Variants in CFAP97 observed in about 807,000 individuals in gnomAD.
The protein encoded by CFAP97 is cilia and flagella associated protein 97.
Under a neutral mutation model 43.1 loss-of-function variants are expected in CFAP97, and 36 were observed. The observed-to-expected ratio is 0.84, with a 90% confidence interval of 0.64 to 1.10. The LOEUF (loss-of-function observed/expected upper bound fraction) is 1.10. Ranked by LOEUF, CFAP97 falls within the 50% of genes least tolerant of loss-of-function variation. The probability of loss-of-function intolerance (pLI) is 0.00; values close to 1 mark genes in which losing one functional copy is unlikely to be tolerated. For synonymous variants in CFAP97, 228 were observed against 225.7 expected, an observed-to-expected ratio of 1.01 and a Z score of -0.09; for missense variants, 657 against 620.3, an observed-to-expected ratio of 1.06 and a Z score of -0.63.
rs1013248410 is a variant in CFAP97, at chr4:185,175,644, A to G, written c.1320+142T>C. Reference sequence around the variant, plus strand: ...GTATCCTCCGGACTTACAGCACATCATATGTTTCATACCACACATACCGCA... The same window carrying G: ...GTATCCTCCGGACTTACAGCACATCGTATGTTTCATACCACACATACCGCA... On this transcript the variant is annotated intron_variant, in intron 3 of 4. Transcript: ENST00000458385. The G allele has an allele frequency of 3.0e-5, 21 of 711,858 alleles. No homozygotes were observed. In the African/African-American group the frequency reaches 3.0e-4, roughly 10 times the overall value. 44.1% of individuals were successfully genotyped at this position (711,858 alleles called of 1,614,324 possible). A position where few individuals can be genotyped will look rare whatever the true frequency, so the allele number is the denominator to read the frequency against.
chr4:185,201,765 A>AT (rs1736841459), intron 1 of CFAP97, among the ~76,000 whole-genome samples: 1 of 152,160 alleles, frequency 6.6e-6, no homozygotes, highest in African/African-American at 2.4e-5. Context: ...AGCAACCAAA[A>AT]TATCTCCAAG....
At chr4:185,188,197 A>G (rs1050995340) in intron 2 of CFAP97, among the ~76,000 whole-genome samples, 4 of 151,784 alleles carry the variant, frequency 2.6e-5, no homozygotes, top group Non-Finnish European at 5.9e-5. Context: ...CTCGGCCGCT[A>G]TTATTATTAT....
At chr4:185,201,599 T>G (rs1263543340) in intron 1 of CFAP97, among the ~76,000 whole-genome samples, 1 of 152,220 alleles carries the variant, frequency 6.6e-6, no homozygotes. Flanking sequence ...CATAAATTAT[T>G]TTTTAGATAA....
At chr4:185,181,668 A>G (rs1262201037) in intron 2 of CFAP97, among the ~76,000 whole-genome samples, 1 of 152,174 alleles carries the variant, frequency 6.6e-6, no homozygotes, top group Non-Finnish European at 1.5e-5. Context: ...AAGATCCTAA[A>G]ATCATCAAGC....
At position 185,190,966 on chromosome 4, in the gene CFAP97, T is replaced by C. The variant is rs750118733; in HGVS notation, c.231A>G (p.Pro77=). ...TAACATCATTCTCTACGGGGTGTTC[T>C]GGGGGAAATTTCACGTTTCTTTCAT... The part of the protein sequence containing the change: ...KGNERNVKFP[P]EHPVENDVTQ... Residue 77 remains proline (P), a synonymous_variant, in exon 2 of 5, where the codon CCA becomes CCG. Coordinates refer to ENST00000458385, the MANE Select transcript of CFAP97 (RefSeq NM_020827.3). 1 of 1,613,810 alleles carries C rather than the reference T, an allele frequency of 6.2e-7. No homozygotes were observed. Among genetic ancestry groups the C allele is most frequent in the East Asian group, 2.2e-5 (1 of 44,874 alleles).
chr4:185,175,538 A>C (rs537078156), intron 3 of CFAP97, among the ~76,000 whole-genome samples: 1 of 152,146 alleles, frequency 6.6e-6, no homozygotes, highest in African/African-American at 2.4e-5. Context: ...GGCCTCCCAG[A>C]GTGCTAGAAT....
At chr4:185,169,481 G>T in intron 3 of CFAP97, 1 of 541,126 alleles carries the variant, frequency 1.8e-6, no homozygotes, top group Non-Finnish European at 2.4e-6. Context: ...CAGCCTTGCA[G>T]AACTGTAAGT....
At chr4:185,208,458 G>C (rs145700244), upstream of CFAP97, among the ~76,000 whole-genome samples, 3 of 152,078 alleles carry the variant, frequency 2.0e-5, no homozygotes, top group Non-Finnish European at 2.9e-5. Flanking sequence ...GGCCGGGCGC[G>C]GTGGCTTACA....
intron 2 of CFAP97, among the ~76,000 whole-genome samples, chr4:185,181,163 C>T (rs1735763840): frequency 4.0e-5 from 6 of 151,230 alleles, no homozygotes; most frequent in Admixed American, 3.9e-4. Context: ...GTAATCCCAG[C>T]TACTGGGGAG....
At chr4:185,209,966 C>T (rs1401159385), upstream of CFAP97, 24 of 983,406 alleles carry the variant, frequency 2.4e-5, no homozygotes, top group Non-Finnish European at 2.7e-5. This position sits in a 1 kb window ranked among gnomAD's most constrained non-coding sequence, Gnocchi z 5.2. Flanking sequence ...GCAGCAGCGG[C>T]GGCGCCGGGG....
chr4:185,177,932 A>G (rs2111349929), intron 2 of CFAP97, among the ~76,000 whole-genome samples: 1 of 152,316 alleles, frequency 6.6e-6, no homozygotes, highest in East Asian at 1.9e-4. Context: ...TTGTAACTCT[A>G]CTTCCCTACA....
intron 3 of CFAP97, 85 bp from the exon 4 acceptor site, chr4:185,164,264 A>T (rs1734985052): frequency 2.3e-6 from 3 of 1,280,038 alleles, no homozygotes; most frequent in African/African-American, 3.3e-5. Flanking sequence ...CCTGACATTC[A>T]CTTTCTTTCT....
In CFAP97 at chr4:185,175,974, A is replaced by G. The variant is rs1273736161; in HGVS notation, c.1132T>C (p.Ser378Pro). The G allele has an allele frequency of 1.2e-6, 2 of 1,613,644 alleles. No individual in the cohort carries two copies. Among genetic ancestry groups the G allele is most frequent in the African/African-American group, 2.7e-5 (2 of 74,870 alleles). Residue 378 changes from serine (S) to proline (P), a missense_variant, in exon 3 of 5, where the codon TCT (serine) becomes CCT (proline). Coordinates refer to ENST00000458385, the MANE Select transcript of CFAP97 (RefSeq NM_020827.3). ...QPSVAPGKNY[S>P]FTREEVRQID... is the part of the protein sequence containing the mutation. ...TGTCTCACCTCTTCTCTTGTGAAAG[A>G]GTAGTTTTTCCCGGGTGCTACTGAA...
chr4:185,183,811 A>G (rs953264184), intron 2 of CFAP97, among the ~76,000 whole-genome samples: 3 of 152,190 alleles, frequency 2.0e-5, no homozygotes, highest in Non-Finnish European at 4.4e-5. Flanking sequence ...AAAAGCCCTG[A>G]GCGCCACCTA....
chr4:185,177,493 T>A (rs1331521680), intron 2 of CFAP97, among the ~76,000 whole-genome samples: 1 of 152,198 alleles, frequency 6.6e-6, no homozygotes, highest in Non-Finnish European at 1.5e-5. Flanking sequence ...GTTAATTTTT[T>A]AAACATGTTT....
At chr4:185,195,856 T>G (rs944825055) in intron 1 of CFAP97, among the ~76,000 whole-genome samples, 2 of 152,206 alleles carry the variant, frequency 1.3e-5, no homozygotes, top group Non-Finnish European at 2.9e-5. Flanking sequence ...CACCTTTTTT[T>G]GTGAGATAAT....
chr4:185,169,671 C>A, intron 3 of CFAP97: 10 of 985,376 alleles, frequency 1.0e-5, no homozygotes, highest in Non-Finnish European at 1.1e-5. Context: ...AAATAAATGT[C>A]TTAATGATTT....
chr4:185,176,215 C>T (rs979365661), intron 2 of CFAP97, among the ~76,000 whole-genome samples, 164 bp from the exon 3 acceptor site: 7 of 150,174 alleles, frequency 4.7e-5, no homozygotes, highest in Non-Finnish European at 8.8e-5. Flanking sequence ...TGGGTTCAAG[C>T]GATTCTCCTG....
At chr4:185,209,772 G>A, upstream of CFAP97, 3 of 984,066 alleles carry the variant, frequency 3.0e-6, no homozygotes, top group Non-Finnish European at 3.6e-6. This position sits in a 1 kb window ranked among gnomAD's most constrained non-coding sequence, Gnocchi z 5.2. Flanking sequence ...CCGGAGCGCC[G>A]GCGGGGGACC....
Sources: allele counts gnomAD v4.1 joint callset (sites outside exome capture counted in the v4.1 genomes callset), GRCh38; gene constraint gnomAD v4.1.1; non-coding constraint Gnocchi (gnomAD v3.1); transcripts MANE v1.5; gene names NCBI Gene and HGNC (gene_info 2026-07-23, HGNC 2026-07-21).